Variants in HLTF observed in about 807,000 individuals in gnomAD.
HLTF encodes DNA-dependent ATPase/E3 ubiquitin-protein ligase HLTF.
HLTF carries 127 observed loss-of-function variants against 129.4 expected under a neutral mutation model. The observed-to-expected ratio is 0.98, with a 90% CI of 0.85 to 1.14. The LOEUF (loss-of-function observed/expected upper bound fraction) is 1.14. Ranked by LOEUF, HLTF falls within the 50% of genes most tolerant of loss-of-function variation. The pLI, the probability that HLTF is intolerant of heterozygous loss-of-function variation, is 0.00. For synonymous variants in HLTF, 332 were observed against 388.8 expected (o/e 0.85, Z 1.72); for missense variants, 1,139 against 1,187.1 (o/e 0.96, Z 0.60).
intron 15 of HLTF, among the ~76,000 whole-genome samples, chr3:149,049,333 G>A (rs913051055): frequency 1.3e-5 from 2 of 152,026 alleles, no homozygotes; most frequent in Admixed American, 6.6e-5. Flanking sequence ...GTTCTACCTC[G>A]GATTAAAACA....
At chr3:149,079,675 C>T (rs1424552109) in intron 2 of HLTF, among the ~76,000 whole-genome samples, 2 of 152,090 alleles carry the variant, frequency 1.3e-5, no homozygotes, top group Non-Finnish European at 2.9e-5. Flanking sequence ...TCACTGCAAC[C>T]TCTGACTCCC....
chr3:149,074,226 G>A lies in HLTF; in HGVS notation c.518C>T (p.Pro173Leu). The change falls in exon 4 of 25, where the codon CCT (proline) becomes CTT (leucine). Residue 173 changes from proline (P) to leucine (L), a missense_variant. Transcript: ENST00000310053. ...AACCCTAAACTTACTTTTTGGTGCA[G>A]GACCCAATTTAAATCCATGTTTCTT... ...QLKKHGFKLG[P>L]APKTLGFNLE... The A allele has an allele frequency of 6.2e-7, 1 of 1,612,374 alleles. No individual in the cohort carries two copies.
At position 149,061,820 on chromosome 3, in the gene HLTF, G is replaced by C. The variant is rs1286624319; in HGVS notation, c.1161-962C>G. 6.2e-5 allele frequency among the ~76,000 whole-genome samples: 9 copies of C among 144,578 alleles called. No homozygotes were observed. In the East Asian group the frequency reaches 1.8e-3, roughly 29 times the overall value. 94.8% of individuals were successfully genotyped at this position (144,578 alleles called of 152,430 possible). ...CATTGCACTCCAGCCTGGGCGACAG[G>C]AGCAAAACTCTGTCTCAAAAAAAAA... On this transcript the variant is annotated intron_variant, in intron 10 of 24. Coordinates refer to ENST00000310053, the MANE Select transcript of HLTF (RefSeq NM_003071.4).
rs79808266 is a variant in HLTF at position 149,074,267 on chromosome 3, C to T, written c.477G>A (p.Ala159=). ...CATGTTTCTTCAACTGATCTGAAAC[C>T]GCTTTTCTATTTTCTTCTTTTCCCC... ...TFWGKEENRK[A]VSDQLKKHGF... The change falls in exon 4 of 25, where the codon GCG becomes GCA. Residue 159 remains alanine (A), a synonymous_variant. Coordinates refer to ENST00000310053, the MANE Select transcript of HLTF (RefSeq NM_003071.4). 610 of 1,613,510 alleles carry T rather than the reference C, an allele frequency of 3.8e-4. 6 individuals are homozygous for T. The African/African-American group carries it at 7.0e-3, about 19-fold the overall frequency.
intron 2 of HLTF, chr3:149,083,876 G>GATCT (rs1720100574): frequency 6.7e-6 from 1 of 150,036 alleles, no homozygotes; most frequent in Non-Finnish European, 1.5e-5. Flanking sequence ...GCCAGATCAG[G>GATCT]CCACTGCACT....
intron 18 of HLTF, among the ~76,000 whole-genome samples, chr3:149,043,547 G>GAAAAA (rs35953851): frequency 1.2e-5 from 1 of 83,666 alleles, no homozygotes; most frequent in Non-Finnish European, 2.6e-5. Flanking sequence ...ACTTCAGAGG[G>GAAAAA]AAAAAAAAAA....
intron 23 of HLTF, 114 bp downstream of exon 23, chr3:149,038,935 G>T: frequency 3.5e-6 from 2 of 572,406 alleles, no homozygotes; most frequent in Non-Finnish European, 5.7e-6. Context: ...TCTAAAGTTT[G>T]CCTAAGAATT....
chr3:149,048,143 A>G lies in HLTF; in HGVS notation c.1777T>C (p.Leu593=). The G allele has an allele frequency of 1.2e-6, 2 of 1,609,558 alleles. No individual in the cohort carries two copies. The highest frequency in any genetic ancestry group is 1.7e-5 in the Admixed American group (1 of 59,152). Residue 593 remains leucine, a synonymous_variant, in exon 17 of 25, where the codon TTA becomes CTA. Coordinates refer to ENST00000310053, the MANE Select transcript of HLTF (RefSeq NM_003071.4). ...VLTGTPIQNS[L]KDLWSLLSFL... ...GAAAGAAGAGACCACAAGTCCTTTA[A>G]AGAATTCTGGATTGGAGTACCTAGA... is the stretch of plus-strand genomic sequence containing the variant.
intron 15 of HLTF, 145 bp from the exon 16 acceptor site, chr3:149,049,146 T>C (rs1476323992): frequency 1.9e-6 from 1 of 516,350 alleles, no homozygotes; most frequent in East Asian, 3.0e-5. Context: ...AATTATTGAA[T>C]ACTCACAAGT....
chr3:149,061,591 T>A (rs1717954475), intron 10 of HLTF, among the ~76,000 whole-genome samples: 1 of 151,456 alleles, frequency 6.6e-6, no homozygotes, highest in African/African-American at 2.4e-5. Flanking sequence ...ATCCCAGCAC[T>A]TTGGGAGGCG....
chr3:149,086,391 G>C lies in HLTF; in HGVS notation c.-55C>G. 1 of 1,555,392 alleles carries C rather than the reference G, an allele frequency of 6.4e-7. No homozygotes were observed. The highest frequency in any genetic ancestry group is 8.7e-7 in the Non-Finnish European group (1 of 1,148,216). ...CTCGGCTCCCCTGGATCGTTTTCGA[G>C]CCGCCTCGATACGCCTCCTTCCAGG... On this transcript the variant is annotated 5_prime_UTR_variant, in exon 1 of 25. Coordinates refer to ENST00000310053, the MANE Select transcript of HLTF (RefSeq NM_003071.4).
chr3:149,039,993 A>G (rs775804646), intron 21 of HLTF, 38 bp downstream of exon 21: 21 of 1,566,198 alleles, frequency 1.3e-5, no homozygotes, highest in Non-Finnish European at 8.7e-7. Context: ...ATATAAAGGT[A>G]AAACAAATAC....
At chr3:149,039,362 T>C in intron 22 of HLTF, 133 bp from the exon 23 acceptor site, 1 of 711,676 alleles carries the variant, frequency 1.4e-6, no homozygotes, top group Non-Finnish European at 2.2e-6. Context: ...GAACACTTAT[T>C]AATATGCTAG....
intron 8 of HLTF, among the ~76,000 whole-genome samples, chr3:149,067,309 T>C (rs1045784777): frequency 6.6e-6 from 1 of 152,042 alleles, no homozygotes; most frequent in Non-Finnish European, 1.5e-5. Flanking sequence ...AAAACACACA[T>C]GAATATATTA....
At chr3:149,071,170 A>C (rs1718824474) in intron 7 of HLTF, 82 bp downstream of exon 7, 1 of 841,552 alleles carries the variant, frequency 1.2e-6, no homozygotes, top group Non-Finnish European at 1.8e-6. Flanking sequence ...ACATATTCCT[A>C]TCTCTTTTTA....
chr3:149,048,805 T>G (rs1384164568), intron 16 of HLTF, 58 bp downstream of exon 16: 1 of 1,358,530 alleles, frequency 7.4e-7, no homozygotes, highest in African/African-American at 1.4e-5. Flanking sequence ...CTTTACTAAC[T>G]TACATAATGA....
chr3:149,035,865 G>C (rs2107949068), intron 23 of HLTF, among the ~76,000 whole-genome samples: 1 of 152,104 alleles, frequency 6.6e-6, no homozygotes, highest in East Asian at 1.9e-4. Flanking sequence ...GTCCGGCACA[G>C]TGGCTCACGC....
At chr3:149,076,278 T>C (rs1478237137) in intron 2 of HLTF, among the ~76,000 whole-genome samples, 8 of 152,192 alleles carry the variant, frequency 5.3e-5, no homozygotes, top group Non-Finnish European at 1.0e-4. Flanking sequence ...CCTTAATGTC[T>C]TAAAAAATAG....
At chr3:149,050,453 C>T in intron 14 of HLTF, 78 bp from the exon 15 acceptor site, 1 of 934,778 alleles carries the variant, frequency 1.1e-6, no homozygotes, top group Non-Finnish European at 1.6e-6. Flanking sequence ...AAGTAACTGC[C>T]CTGGCAGTAG....
Sources: gnomAD v4.1 joint callset for allele counts (sites outside exome capture counted in the v4.1 genomes callset) on GRCh38, gnomAD v4.1.1 for gene constraint, MANE v1.5 for transcripts, NCBI Gene and HGNC (gene_info 2026-07-23, HGNC 2026-07-21) for gene names.